The following LRRC4C variants were observed in gnomAD, a reference collection of about 807,000 sequenced individuals.
The protein encoded by LRRC4C is leucine rich repeat containing 4C, also known as leucine-rich repeat-containing protein 4C.
Under a neutral mutation model 33.6 loss-of-function variants are expected in LRRC4C, and 5 were observed. The observed-to-expected ratio is 0.15, with a 90% CI of 0.08 to 0.31. LRRC4C has a LOEUF of 0.31. Ranked by LOEUF, LRRC4C falls within the 10% of genes least tolerant of loss-of-function variation. The probability of loss-of-function intolerance (pLI) is 1.00; values close to 1 mark genes in which losing one functional copy is unlikely to be tolerated. For synonymous variants in LRRC4C, 329 were observed against 302.0 expected, an observed-to-expected ratio of 1.09 and a Z score of -0.93; for missense variants, 560 against 796.7, an observed-to-expected ratio of 0.70 and a Z score of 3.58.
chr11:41,078,574 G>T (rs1025079627), intron 1 of LRRC4C, among the ~76,000 whole-genome samples: 3 of 152,074 alleles, frequency 2.0e-5, no homozygotes, highest in Non-Finnish European at 4.4e-5. Flanking sequence ...CGAGCAAAGG[G>T]GTAGGTGCCA....
intron 5 of LRRC4C, among the ~76,000 whole-genome samples, chr11:40,186,506 T>C (rs1013473621): frequency 6.6e-6 from 1 of 152,156 alleles, no homozygotes; most frequent in African/African-American, 2.4e-5. Flanking sequence ...AGCACAAAGC[T>C]TTTTCTTACA....
At chr11:40,204,577 A>C (rs1390485616) in intron 5 of LRRC4C, among the ~76,000 whole-genome samples, 1 of 152,130 alleles carries the variant, frequency 6.6e-6, no homozygotes, top group Non-Finnish European at 1.5e-5. Context: ...CTGAGAGTTG[A>C]ACATTCCTGC....
At chr11:41,076,693 G>T (rs942499008) in intron 1 of LRRC4C, among the ~76,000 whole-genome samples, 6 of 151,958 alleles carry the variant, frequency 3.9e-5, no homozygotes, top group Non-Finnish European at 8.8e-5. Flanking sequence ...ACATCATTTT[G>T]CCCATGGCCC....
Position 40,114,854 on chromosome 11 carries a change from G to A in LRRC4C, c.1439C>T (p.Pro480Leu), listed in dbSNP as rs750790085. 3 of 1,614,164 alleles carry A rather than the reference G, an allele frequency of 1.9e-6. No homozygotes were observed. The Admixed American group carries it at 5.0e-5, about 27-fold the overall frequency. ...RTTDNNVGPT[P>L]VVDWETTNVT... is the part of the protein sequence containing the mutation. Reference sequence around the variant, plus strand: ...ATTGGTGGTCTCCCAGTCGACCACTGGAGTGGGACCCACATTGTTATCTGT... The same window carrying A: ...ATTGGTGGTCTCCCAGTCGACCACTAGAGTGGGACCCACATTGTTATCTGT... Residue 480 changes from proline to leucine, a missense_variant, in exon 7 of 7, where the codon CCA becomes CTA. By Grantham distance (98) the Pro-to-Leu change is moderately conservative. Coordinates refer to ENST00000528697, the MANE Select transcript of LRRC4C (RefSeq NM_001258419.2).
intron 3 of LRRC4C, among the ~76,000 whole-genome samples, chr11:40,599,517 T>G (rs974605646): frequency 2.6e-5 from 4 of 152,188 alleles, no homozygotes; most frequent in African/African-American, 9.7e-5. Flanking sequence ...CAAGGTATCC[T>G]GTCTCATTTT....
chr11:40,451,889 T>A (rs534098756), intron 3 of LRRC4C, among the ~76,000 whole-genome samples: 45 of 152,232 alleles, frequency 3.0e-4, no homozygotes, highest in Non-Finnish European at 4.6e-4. Context: ...GATTTCTGCA[T>A]TTGCAACTGA....
intron 1 of LRRC4C, among the ~76,000 whole-genome samples, chr11:41,452,129 A>T (rs571167382): frequency 6.6e-6 from 1 of 152,086 alleles, no homozygotes; most frequent in South Asian, 2.1e-4. Flanking sequence ...TTCCATTTGG[A>T]GTATCTACTG....
chr11:41,135,853 T>TA (rs970021687), intron 1 of LRRC4C, among the ~76,000 whole-genome samples: 8 of 152,138 alleles, frequency 5.3e-5, no homozygotes, highest in Non-Finnish European at 1.2e-4. Flanking sequence ...ATTTTTATAT[T>TA]AAAAAATCAA....
intron 5 of LRRC4C, among the ~76,000 whole-genome samples, chr11:40,190,066 GC>G (rs1861711715): frequency 6.6e-6 from 1 of 152,060 alleles, no homozygotes. Flanking sequence ...AGACTCACCT[GC>G]TTTTTCTGTT....
intron 3 of LRRC4C, among the ~76,000 whole-genome samples, chr11:40,405,033 G>C (rs1347934494): frequency 6.6e-6 from 1 of 151,694 alleles, no homozygotes; most frequent in Non-Finnish European, 1.5e-5. Flanking sequence ...TAGATCTTTC[G>C]ACTTGTTCAT....
chr11:40,741,188 G>T (rs994068681), intron 2 of LRRC4C, among the ~76,000 whole-genome samples: 1 of 151,938 alleles, frequency 6.6e-6, no homozygotes, highest in Non-Finnish European at 1.5e-5. Context: ...ACAATCTAAC[G>T]TATTGATCTC....
chr11:40,475,793 TA>T (rs1953185751), intron 3 of LRRC4C, among the ~76,000 whole-genome samples: 1 of 152,180 alleles, frequency 6.6e-6, no homozygotes. Context: ...ACGCCACTCC[TA>T]AGCCCCTCCT....
At chr11:40,662,089 A>C (rs1361975596) in intron 2 of LRRC4C, among the ~76,000 whole-genome samples, 54 of 152,240 alleles carry the variant, frequency 3.5e-4, no homozygotes, top group Admixed American at 3.2e-3. Context: ...CAAATGTCTG[A>C]ATATTTAAAA....
intron 2 of LRRC4C, among the ~76,000 whole-genome samples, chr11:40,855,685 A>G (rs1161872994): frequency 6.6e-6 from 1 of 152,130 alleles, no homozygotes; most frequent in Non-Finnish European, 1.5e-5. Context: ...TTCAAAAGGC[A>G]CTTTATAATT....
At chr11:41,213,553 G>C (rs1236791797) in intron 1 of LRRC4C, among the ~76,000 whole-genome samples, 1 of 152,192 alleles carries the variant, frequency 6.6e-6, no homozygotes. Context: ...ATGGGTCACA[G>C]CAAAAGATTT....
chr11:41,180,575 G>T (rs1945402064), intron 1 of LRRC4C, among the ~76,000 whole-genome samples: 1 of 152,160 alleles, frequency 6.6e-6, no homozygotes, highest in South Asian at 2.1e-4. Flanking sequence ...GAATTTAAAT[G>T]TGTGTGGGTG....
chr11:40,192,979 T>A (rs2135632862), intron 5 of LRRC4C, among the ~76,000 whole-genome samples: 1 of 152,170 alleles, frequency 6.6e-6, no homozygotes, highest in Middle Eastern at 3.4e-3. Context: ...AAAACTGCCA[T>A]CTCCCTGGGA....
chr11:40,715,109 AT>A lies in LRRC4C; in HGVS notation c.-406-66832del, dbSNP rs1430996723. 9.2e-5 allele frequency among the ~76,000 whole-genome samples: 14 copies of A among 152,308 alleles called. No individual in the cohort carries two copies. In the East Asian group the frequency reaches 2.7e-3, roughly 29 times the overall value. ...ACCTGTAATAAAATCCAGATAATTT[AT>A]TTATCAAAAATATCAAAATGTAGTG... On this transcript the variant is annotated intron_variant, in intron 2 of 6. Coordinates refer to ENST00000528697, the MANE Select transcript of LRRC4C (RefSeq NM_001258419.2).
chr11:40,353,050 A>G (rs1481579090), intron 3 of LRRC4C, among the ~76,000 whole-genome samples: 1 of 151,974 alleles, frequency 6.6e-6, no homozygotes, highest in Non-Finnish European at 1.5e-5. Flanking sequence ...AAATGTATTG[A>G]GGTAGTCTTG....
Sources: allele counts gnomAD v4.1 joint callset (sites outside exome capture counted in the v4.1 genomes callset), GRCh38; gene constraint gnomAD v4.1.1; transcripts MANE v1.5; gene names NCBI Gene and HGNC (gene_info 2026-07-23, HGNC 2026-07-21).